Variants in PTPRJ observed in about 807,000 individuals in gnomAD.
PTPRJ encodes the protein protein tyrosine phosphatase receptor type J.
PTPRJ carries 129 observed loss-of-function variants against 141.3 expected under a neutral mutation model. The observed-to-expected ratio is 0.91, with a 90% confidence interval of 0.79 to 1.06. PTPRJ has a LOEUF of 1.06. PTPRJ is among the 50% of genes least tolerant of loss of function. PTPRJ has a pLI of 0.00. For synonymous variants in PTPRJ, 610 were observed against 640.5 expected, an observed-to-expected ratio of 0.95 and a Z score of 0.72; for missense variants, 1,601 against 1,679.7, an observed-to-expected ratio of 0.95 and a Z score of 0.82.
chr11:48,051,959 C>G (rs1002063613), intron 1 of PTPRJ, among the ~76,000 whole-genome samples: 1 of 152,182 alleles, frequency 6.6e-6, no homozygotes, highest in Non-Finnish European at 1.5e-5. Context: ...ACAGTGAACA[C>G]TTGGTGAACG....
intron 8 of PTPRJ, chr11:48,131,541 C>A (rs371346598): frequency 2.6e-6 from 2 of 776,010 alleles, no homozygotes; most frequent in African/African-American, 3.4e-5. Flanking sequence ...GGAATTCCAT[C>A]ATCTGAAACA....
Position 48,150,150 on chromosome 11 carries a change from T to C in PTPRJ, c.3105T>C (p.Ala1035=). ...AGGCCTACTTCAAGAAGCAGCAAGC[T>C]GACTCCAACTGTGGGTTCGCAGAGG... The part of the protein sequence containing the change: ...NFEAYFKKQQ[A]DSNCGFAEEY... The change falls in exon 18 of 25, where the codon GCT becomes GCC. Residue 1035 remains alanine (A), a synonymous_variant. Transcript: ENST00000418331. 1 of 1,614,192 alleles carries C rather than the reference T, an allele frequency of 6.2e-7. No individual in the cohort carries two copies. Among genetic ancestry groups the C allele is most frequent in the African/African-American group, 1.3e-5 (1 of 75,058 alleles).
intron 18 of PTPRJ, among the ~76,000 whole-genome samples, chr11:48,150,847 C>G (rs1323970350): frequency 6.6e-6 from 1 of 152,192 alleles, no homozygotes; most frequent in African/African-American, 2.4e-5. Context: ...TGCCTTTGCT[C>G]TCTTGAAATC....
chr11:48,093,775 A>C (rs1474652232), intron 1 of PTPRJ, among the ~76,000 whole-genome samples: 2 of 151,864 alleles, frequency 1.3e-5, no homozygotes, highest in African/African-American at 4.8e-5. Flanking sequence ...GTAATTTCTC[A>C]AGAAGATTTT....
intron 1 of PTPRJ, among the ~76,000 whole-genome samples, chr11:48,048,746 A>C (rs918756681): frequency 2.0e-5 from 3 of 152,218 alleles, no homozygotes; most frequent in African/African-American, 7.2e-5. Flanking sequence ...GTGAGCCAAG[A>C]TTGTGCCACT....
chr11:48,141,787 T>G (rs1857234786), intron 11 of PTPRJ, among the ~76,000 whole-genome samples: 1 of 152,220 alleles, frequency 6.6e-6, no homozygotes, highest in South Asian at 2.1e-4. Context: ...GGATACTAGC[T>G]TCTTACTCTA....
At chr11:48,047,686 G>T (rs1854446245) in intron 1 of PTPRJ, among the ~76,000 whole-genome samples, 1 of 151,952 alleles carries the variant, frequency 6.6e-6, no homozygotes, top group Admixed American at 6.6e-5. Context: ...CACTTTTTTG[G>T]TAGAGACAGG....
intron 1 of PTPRJ, among the ~76,000 whole-genome samples, chr11:48,035,562 T>C (rs2134229889): frequency 6.9e-6 from 1 of 145,896 alleles, no homozygotes; most frequent in African/African-American, 2.5e-5. Flanking sequence ...TTTTTTTTTT[T>C]TTTAGTTTAT....
chr11:48,039,982 T>G (rs944056622), intron 1 of PTPRJ, among the ~76,000 whole-genome samples: 1 of 152,168 alleles, frequency 6.6e-6, no homozygotes, highest in African/African-American at 2.4e-5. Context: ...AGAGACGTGG[T>G]TTCACCATGT....
At chr11:48,138,870 C>T (rs958068284) in intron 10 of PTPRJ, among the ~76,000 whole-genome samples, 3 of 152,176 alleles carry the variant, frequency 2.0e-5, no homozygotes, top group Non-Finnish European at 4.4e-5. Context: ...GCTGGTGGCT[C>T]ACACCTATAA....
Position 48,144,893 on chromosome 11 carries a change from C to A in PTPRJ, c.2786+8C>A. On this transcript the variant is annotated splice_region_variant and intron_variant, in intron 13 of 24. Coordinates refer to ENST00000418331, the MANE Select transcript of PTPRJ (RefSeq NM_002843.4). ...ACCTCTGGGCTCCTACCGGTAATGT[C>A]TTCTGGTTCTTACTCTTTGGGGGCT... is the stretch of plus-strand genomic sequence containing the variant. 2 of 1,613,964 alleles carry A rather than the reference C, an allele frequency of 1.2e-6. No individual in the cohort carries two copies. Among genetic ancestry groups the A allele is most frequent in the Non-Finnish European group, 1.7e-6 (2 of 1,179,948 alleles).
intron 11 of PTPRJ, among the ~76,000 whole-genome samples, chr11:48,142,166 G>A (rs1857247027): frequency 6.6e-6 from 1 of 152,164 alleles, no homozygotes; most frequent in Non-Finnish European, 1.5e-5. Flanking sequence ...ATATGTGAGA[G>A]TTTAATTCTG....
At chr11:48,132,702 T>C in intron 8 of PTPRJ, 1 of 894,164 alleles carries the variant, frequency 1.1e-6, no homozygotes, top group Non-Finnish European at 1.3e-6. Context: ...TAAAAACATA[T>C]ATATATATAT....
chr11:48,128,178 G>A, intron 7 of PTPRJ, 135 bp downstream of exon 7: 1 of 1,150,984 alleles, frequency 8.7e-7, no homozygotes, highest in African/African-American at 1.5e-5. Flanking sequence ...TGCTTTCCTT[G>A]CACTGGCACA....
At chr11:48,145,649 T>C (rs188545824) in intron 14 of PTPRJ, among the ~76,000 whole-genome samples, 36 of 150,484 alleles carry the variant, frequency 2.4e-4, no homozygotes, top group Admixed American at 2.1e-3. Context: ...ACCTCTGCCT[T>C]CTGGGTTCAA....
chr11:48,015,650 G>A (rs1347747377), intron 1 of PTPRJ, among the ~76,000 whole-genome samples: 5 of 152,012 alleles, frequency 3.3e-5, no homozygotes, highest in African/African-American at 1.2e-4. Flanking sequence ...GCTGAGGCAG[G>A]TGGATCACTT....
At chr11:48,108,652 C>T (rs1346613430) in intron 1 of PTPRJ, among the ~76,000 whole-genome samples, 2 of 152,168 alleles carry the variant, frequency 1.3e-5, no homozygotes, top group African/African-American at 4.8e-5. Context: ...TGCGACTTGC[C>T]TAGCTATTGA....
At chr11:48,013,918 T>C (rs1308551567) in intron 1 of PTPRJ, among the ~76,000 whole-genome samples, 1 of 151,140 alleles carries the variant, frequency 6.6e-6, no homozygotes, top group Admixed American at 6.6e-5. Context: ...CATGTGGCCC[T>C]GGGGGTTGGC....
At chr11:48,023,483 A>G (rs982372681) in intron 1 of PTPRJ, among the ~76,000 whole-genome samples, 1 of 152,114 alleles carries the variant, frequency 6.6e-6, no homozygotes, top group Non-Finnish European at 1.5e-5. Context: ...CTTCATTCTT[A>G]TTAAAGTGGG....
Sources: allele counts gnomAD v4.1 joint callset (sites outside exome capture counted in the v4.1 genomes callset), GRCh38; gene constraint gnomAD v4.1.1; transcripts MANE v1.5; gene names NCBI Gene and HGNC (gene_info 2026-07-23, HGNC 2026-07-21).